Variants in AP1G1 observed in about 807,000 individuals in gnomAD.
AP1G1 encodes adaptor related protein complex 1 subunit gamma 1.
AP1G1 carries 7 observed loss-of-function variants against 108.3 expected under a neutral mutation model. That is an observed-to-expected ratio of 0.06 (90% CI 0.04 to 0.12). The LOEUF (loss-of-function observed/expected upper bound fraction) is 0.12. Ranked by LOEUF, AP1G1 falls within the 10% of genes least tolerant of loss-of-function variation. The probability of loss-of-function intolerance (pLI) is 1.00; values close to 1 mark genes in which losing one functional copy is unlikely to be tolerated. For synonymous variants in AP1G1, 379 were observed against 353.5 expected (o/e 1.07, Z -0.81); for missense variants, 756 against 1,010.7 (o/e 0.75, Z 3.42).
At chr16:71,799,375 A>C (rs572031517) in intron 1 of AP1G1, among the ~76,000 whole-genome samples, 1 of 152,342 alleles carries the variant, frequency 6.6e-6, no homozygotes, top group South Asian at 2.1e-4. Flanking sequence ...AAGTGGCAAA[A>C]ATCTAGAAAT....
chr16:71,759,486 C>T (rs1354723498), intron 10 of AP1G1, among the ~76,000 whole-genome samples: 1 of 141,950 alleles, frequency 7.0e-6, no homozygotes, highest in African/African-American at 2.6e-5. Context: ...TGGGACTGGG[C>T]GCGGTGGCTC....
At position 71,769,640 on chromosome 16, in the gene AP1G1, G is replaced by T; in HGVS notation, c.625C>A (p.Leu209Ile). The T allele has an allele frequency of 6.2e-7, 1 of 1,613,512 alleles. No individual in the cohort carries two copies. The highest frequency in any genetic ancestry group is 8.5e-7 in the Non-Finnish European group (1 of 1,179,556). ...GCACCTACCTTTCTGAAATGCGCAAGCATGTCTGGGCTTCGCTCACACATT... is the reference window on the plus strand; with the variant it reads ...GCACCTACCTTTCTGAAATGCGCAATCATGTCTGGGCTTCGCTCACACATT... ...TEMCERSPDMLAHFRKLVPQL... is the reference protein window; with the variant it reads ...TEMCERSPDMIAHFRKLVPQL... The change falls in exon 6 of 23, where the codon CTT becomes ATT. Residue 209 changes from leucine (L) to isoleucine (I), a missense_variant. By Grantham distance (5) the Leu-to-Ile change is conservative. Around this residue, in one of 3 missense-constraint regions of AP1G1, gnomAD observed 304 missense variants for 483.6 expected, o/e 0.63. Transcript: ENST00000299980.
intron 14 of AP1G1, 97 bp downstream of exon 14, chr16:71,750,113 C>T (rs2030406169): frequency 1.3e-6 from 2 of 1,509,024 alleles, no homozygotes; most frequent in East Asian, 2.3e-5. Flanking sequence ...AAAGACATAC[C>T]AAAGGGGAGA....
At chr16:71,778,336 T>C (rs1297118168) in intron 2 of AP1G1, among the ~76,000 whole-genome samples, 1 of 152,208 alleles carries the variant, frequency 6.6e-6, no homozygotes, top group Non-Finnish European at 1.5e-5. Flanking sequence ...GATCACACTT[T>C]ATACTTAAGT....
intron 1 of AP1G1, among the ~76,000 whole-genome samples, chr16:71,797,262 T>C (rs888140997): frequency 2.8e-4 from 42 of 152,066 alleles, no homozygotes; most frequent in Admixed American, 7.2e-4. Context: ...GTATAATTAA[T>C]GTTGAAGGAG....
rs1269239037 is a variant in AP1G1, at chr16:71,730,786, T to C, written c.*2272A>G. The stretch of plus-strand genomic sequence containing the variant: ...CCTTTGTGTTAAGGCCATGATATTT[T>C]ACTCCTTCTAGACAAAGCTATGAAT... On this transcript the variant is annotated 3_prime_UTR_variant, in exon 23 of 23. Transcript: ENST00000299980. The C allele has an allele frequency of 6.5e-6, 1 of 152,682 alleles. No individual in the cohort carries two copies. Among genetic ancestry groups the C allele is most frequent in the Non-Finnish European group, 1.5e-5 (1 of 68,050 alleles). The allele number at this position is 152,682 out of a possible 1,614,324, so 9.5% of individuals were successfully genotyped here.
In AP1G1 at chr16:71,729,873, G is replaced by C. The variant is rs1293454064; in HGVS notation, c.*3185C>G. The C allele has an allele frequency of 6.6e-6, 1 of 152,450 alleles. No homozygotes were observed. The highest frequency in any genetic ancestry group is 1.5e-5 in the Non-Finnish European group (1 of 68,028). The allele number at this position is 152,450 out of a possible 1,614,324, so 9.4% of individuals were successfully genotyped here. A position where few individuals can be genotyped will look rare whatever the true frequency, so the allele number is the denominator to read the frequency against. ...GACACATTCAAACTCCTTTCCCCTA[G>C]TTCTCATGGCCCAAATATTTTCCAA... On this transcript the variant is annotated 3_prime_UTR_variant, in exon 23 of 23. Transcript: ENST00000299980.
chr16:71,791,610 T>C (rs2032401503), intron 1 of AP1G1, among the ~76,000 whole-genome samples: 1 of 148,454 alleles, frequency 6.7e-6, no homozygotes, highest in Non-Finnish European at 1.5e-5. Flanking sequence ...GCCTGAGCCC[T>C]AGAGGCTGAG....
chr16:71,801,555 G>A (rs1315802633), intron 1 of AP1G1, among the ~76,000 whole-genome samples: 1 of 152,140 alleles, frequency 6.6e-6, no homozygotes, highest in Non-Finnish European at 1.5e-5. Context: ...AAACACTATA[G>A]GGTAAACATC....
chr16:71,745,089 T>G (rs1177894843), intron 19 of AP1G1, 55 bp downstream of exon 19: 8 of 1,595,452 alleles, frequency 5.0e-6, no homozygotes, highest in Non-Finnish European at 6.0e-6. Context: ...CAGTTTAGTT[T>G]TTCCCTGAGG....
chr16:71,789,593 C>G, intron 1 of AP1G1, 111 bp from the exon 2 acceptor site: 1 of 1,095,024 alleles, frequency 9.1e-7, no homozygotes, highest in South Asian at 1.5e-5. Flanking sequence ...CAAGACTTGC[C>G]AAATCCAGCT....
intron 1 of AP1G1, among the ~76,000 whole-genome samples, chr16:71,803,695 C>T (rs893035089): frequency 6.6e-6 from 1 of 152,116 alleles, no homozygotes; most frequent in African/African-American, 2.4e-5. Flanking sequence ...GAGGCCAAGG[C>T]TGGTGGATCA....
In AP1G1 at chr16:71,808,791, G is replaced by C; in HGVS notation, c.-32C>G. On this transcript the variant is annotated 5_prime_UTR_variant, in exon 1 of 23. Coordinates refer to ENST00000299980, the MANE Select transcript of AP1G1 (RefSeq NM_001128.6). ...CCCGAAACCTCGAATGAAACCAGCA[G>C]CTCCGGGGGCGGCGGCAGCAGTGGC... 7.8e-7 allele frequency: 1 copy of C among 1,289,716 alleles called. No homozygotes were observed. Among genetic ancestry groups the C allele is most frequent in the Non-Finnish European group, 1.0e-6 (1 of 988,796 alleles). 79.9% of individuals were successfully genotyped at this position (1,289,716 alleles called of 1,614,324 possible). A position where few individuals can be genotyped will look rare whatever the true frequency, so the allele number is the denominator to read the frequency against.
rs1344066619 is a variant in AP1G1 at position 71,731,221 on chromosome 16, GTTC to G, written c.*1834_*1836del. On this transcript the variant is annotated 3_prime_UTR_variant, in exon 23 of 23. Coordinates refer to ENST00000299980, the MANE Select transcript of AP1G1 (RefSeq NM_001128.6). ...AAAACTATGCAGGAGATATTATCCT[GTTC>G]TTGACTCAGTCAACCATTTACCCAG... 2.0e-5 allele frequency: 3 copies of G among 152,488 alleles called. No homozygotes were observed. Among genetic ancestry groups the G allele is most frequent in the African/African-American group, 7.2e-5 (3 of 41,442 alleles). The allele number at this position is 152,488 out of a possible 1,614,324, so 9.4% of individuals were successfully genotyped here. A position where few individuals can be genotyped will look rare whatever the true frequency, so the allele number is the denominator to read the frequency against.
intron 7 of AP1G1, 107 bp downstream of exon 7, chr16:71,765,382 A>G (rs1040125078): frequency 2.9e-6 from 2 of 697,454 alleles, no homozygotes; most frequent in African/African-American, 3.6e-5. Context: ...TAATTAATCA[A>G]TTAACTACCA....
At chr16:71,771,365 A>G in intron 4 of AP1G1, 113 bp from the exon 5 acceptor site, 1 of 610,964 alleles carries the variant, frequency 1.6e-6, no homozygotes, top group Admixed American at 3.1e-5. Flanking sequence ...ATCTACTAGA[A>G]AAATAAAGAA....
At chr16:71,763,210 A>G (rs2031173967) in intron 9 of AP1G1, among the ~76,000 whole-genome samples, 1 of 152,196 alleles carries the variant, frequency 6.6e-6, no homozygotes, top group African/African-American at 2.4e-5. Flanking sequence ...CAAAACAAAA[A>G]AGAAGTGAAG....
intron 2 of AP1G1, among the ~76,000 whole-genome samples, chr16:71,779,255 C>T (rs1445869573): frequency 4.6e-5 from 7 of 151,478 alleles, no homozygotes; most frequent in Admixed American, 4.6e-4. Flanking sequence ...ACCGCCCCCA[C>T]CCCACCCCCG....
At chr16:71,806,811 A>T in intron 1 of AP1G1, 1 of 770,496 alleles carries the variant, frequency 1.3e-6, no homozygotes, top group Non-Finnish European at 1.8e-6. Context: ...ATTTTTGAAA[A>T]ATCTGCTTAA....
Sources: allele counts gnomAD v4.1 joint callset (sites outside exome capture counted in the v4.1 genomes callset), GRCh38; gene constraint gnomAD v4.1.1; regional missense constraint gnomAD v4.1.1; transcripts MANE v1.5; gene names NCBI Gene and HGNC (gene_info 2026-07-23, HGNC 2026-07-21).